Variants in LIN52 observed in about 807,000 individuals in gnomAD.
LIN52 encodes the protein protein lin-52 homolog.
In LIN52, 4 loss-of-function variants were observed where a neutral mutation model predicts 18.5. That is an observed-to-expected ratio of 0.22 (90% CI 0.11 to 0.49). The LOEUF is 0.49. Ranked by LOEUF, LIN52 falls within the 20% of genes least tolerant of loss-of-function variation. LIN52 has a pLI of 0.97. For synonymous variants in LIN52, 34 were observed against 45.5 expected, an observed-to-expected ratio of 0.75 and a Z score of 1.02; for missense variants, 102 against 139.5, an observed-to-expected ratio of 0.73 and a Z score of 1.35.
chr14:74,156,819 C>T (rs1228801266), intron 5 of LIN52, among the ~76,000 whole-genome samples: 10 of 152,170 alleles, frequency 6.6e-5, no homozygotes, highest in Admixed American at 6.5e-5. Context: ...CCTTCCTAGC[C>T]TCCAGTAACC....
intron 1 of LIN52, among the ~76,000 whole-genome samples, chr14:74,089,999 G>A (rs1254115924): frequency 1.3e-5 from 2 of 151,044 alleles, no homozygotes; most frequent in East Asian, 1.9e-4. Context: ...GCCCAAGTGG[G>A]CATGTATAAC....
intron 5 of LIN52, among the ~76,000 whole-genome samples, chr14:74,158,125 A>ATAT (rs1490797271): frequency 6.8e-6 from 1 of 147,692 alleles, no homozygotes; most frequent in African/African-American, 2.5e-5. Context: ...ATATATATAT[A>ATAT]TTTTTTTGAG....
intron 5 of LIN52, among the ~76,000 whole-genome samples, chr14:74,112,145 T>G (rs1438916413): frequency 1.3e-5 from 2 of 152,012 alleles, no homozygotes; most frequent in Admixed American, 1.3e-4. Flanking sequence ...CTCCCAAAGT[T>G]CTGGGATTAC....
intron 5 of LIN52, among the ~76,000 whole-genome samples, chr14:74,135,683 T>C (rs776478271): frequency 5.9e-5 from 9 of 152,330 alleles, no homozygotes; most frequent in Middle Eastern, 3.4e-3. Flanking sequence ...TCTGTGGTTT[T>C]AATTCCTTAT....
chr14:74,128,225 G>A (rs1188583853), intron 5 of LIN52, among the ~76,000 whole-genome samples: 3 of 152,170 alleles, frequency 2.0e-5, no homozygotes, highest in African/African-American at 7.2e-5. Context: ...GCAGAGGCTG[G>A]TGGGCTTCCT....
At chr14:74,093,391 GTCTTGGCTCA>G (rs1331471868) in intron 2 of LIN52, among the ~76,000 whole-genome samples, 1 of 142,402 alleles carries the variant, frequency 7.0e-6, no homozygotes, top group Admixed American at 7.2e-5. Context: ...TAATGGTGCA[GTCTTGGCTCA>G]CAGCAACCTC....
chr14:74,115,963 G>A (rs1023759650), intron 5 of LIN52, among the ~76,000 whole-genome samples: 1 of 152,146 alleles, frequency 6.6e-6, no homozygotes, highest in African/African-American at 2.4e-5. Flanking sequence ...TTTGGATGGT[G>A]TTGGTTTCAA....
intron 5 of LIN52, among the ~76,000 whole-genome samples, chr14:74,101,462 T>C (rs80309834): frequency 2.1e-5 from 2 of 93,286 alleles, no homozygotes; most frequent in African/African-American, 4.4e-5. Flanking sequence ...TGATTTTTCT[T>C]TTTTTTTTTT....
chr14:74,095,156 T>G (rs1253614492), intron 2 of LIN52, among the ~76,000 whole-genome samples: 2 of 148,428 alleles, frequency 1.3e-5, no homozygotes, highest in East Asian at 2.0e-4. Context: ...ACTGTTTTTT[T>G]TTTTTTTTTT....
chr14:74,145,969 T>A (rs2061151243), intron 5 of LIN52, among the ~76,000 whole-genome samples: 1 of 152,332 alleles, frequency 6.6e-6, no homozygotes, highest in South Asian at 2.1e-4. Context: ...CTGCAGATTC[T>A]ATGACGTGAA....
At chr14:74,185,894 T>C in intron 5 of LIN52, among the ~76,000 whole-genome samples, 1 of 152,190 alleles carries the variant, frequency 6.6e-6, no homozygotes, top group East Asian at 1.9e-4. Flanking sequence ...AGTACTGAAC[T>C]GAATAGGCAT....
intron 5 of LIN52, among the ~76,000 whole-genome samples, chr14:74,135,882 A>G (rs922638537): frequency 1.3e-5 from 2 of 151,996 alleles, no homozygotes; most frequent in Non-Finnish European, 2.9e-5. Context: ...TATCATTCAC[A>G]TACCATAAGG....
At chr14:74,159,706 G>C (rs1413600927) in intron 5 of LIN52, among the ~76,000 whole-genome samples, 1 of 151,998 alleles carries the variant, frequency 6.6e-6, no homozygotes, top group African/African-American at 2.4e-5. Context: ...TGAGTAGCTG[G>C]GATTATAGAC....
intron 3 of LIN52, among the ~76,000 whole-genome samples, chr14:74,097,590 G>A (rs376204761): frequency 4.0e-5 from 6 of 151,784 alleles, no homozygotes; most frequent in African/African-American, 1.2e-4. Flanking sequence ...GTGCCATCAC[G>A]CCTGGCTAAT....
intron 5 of LIN52, among the ~76,000 whole-genome samples, chr14:74,118,151 C>G (rs1037422067): frequency 1.1e-4 from 16 of 152,106 alleles, no homozygotes; most frequent in African/African-American, 3.9e-4. Flanking sequence ...GTTCCAACTA[C>G]TGGGGAGGCT....
intron 1 of LIN52, among the ~76,000 whole-genome samples, chr14:74,086,290 A>T (rs1343025026): frequency 6.6e-6 from 1 of 152,216 alleles, no homozygotes; most frequent in Admixed American, 6.6e-5. Context: ...TGCAGAAATA[A>T]TATATTACTT....
intron 5 of LIN52, among the ~76,000 whole-genome samples, chr14:74,113,171 C>T (rs2060940430): frequency 6.6e-6 from 1 of 152,150 alleles, no homozygotes; most frequent in Non-Finnish European, 1.5e-5. Context: ...GTTGGGTGAT[C>T]ACCTGAGGCC....
At chr14:74,135,169 A>G (rs1362991900) in intron 5 of LIN52, among the ~76,000 whole-genome samples, 1 of 151,822 alleles carries the variant, frequency 6.6e-6, no homozygotes, top group Non-Finnish European at 1.5e-5. Flanking sequence ...GGTTCAAGCG[A>G]TTCCCCTGGC....
intron 5 of LIN52, among the ~76,000 whole-genome samples, chr14:74,145,415 T>C (rs944022355): frequency 6.6e-6 from 1 of 152,248 alleles, no homozygotes; most frequent in African/African-American, 2.4e-5. Flanking sequence ...TACACTGCCT[T>C]CTTCCTTACA....
Sources: allele counts gnomAD v4.1 joint callset (sites outside exome capture counted in the v4.1 genomes callset), GRCh38; gene constraint gnomAD v4.1.1; transcripts MANE v1.5; gene names NCBI Gene and HGNC (gene_info 2026-07-23, HGNC 2026-07-21).